Variants in GOLGA3 observed in about 807,000 individuals in gnomAD.
GOLGA3 encodes golgin subfamily A member 3.
A neutral mutation model predicts 169.4 loss-of-function variants in GOLGA3; 75 were observed. That is an observed-to-expected ratio of 0.44 (90% CI 0.37 to 0.54). GOLGA3 has a LOEUF of 0.54. Ranked by LOEUF, GOLGA3 falls within the 20% of genes least tolerant of loss-of-function variation. The pLI, the probability that GOLGA3 is intolerant of heterozygous loss-of-function variation, is 0.00. For missense variants in GOLGA3, 1,899 were observed against 1,930.0 expected, an observed-to-expected ratio of 0.98 and a Z score of 0.30; for synonymous variants, 824 against 822.4, an observed-to-expected ratio of 1.00 and a Z score of -0.03.
At chr12:132,814,695 T>G (rs962936648) in intron 3 of GOLGA3, among the ~76,000 whole-genome samples, 3 of 152,212 alleles carry the variant, frequency 2.0e-5, no homozygotes, top group Admixed American at 2.0e-4. Context: ...CTGCACAGGC[T>G]CCGCCCTCCA....
At chr12:132,786,870 A>C in intron 13 of GOLGA3, 83 bp from the exon 14 acceptor site, 2 of 929,488 alleles carry the variant, frequency 2.2e-6, no homozygotes, top group Non-Finnish European at 3.5e-6. Context: ...CATCACCCCC[A>C]CCAAAGGCAC....
chr12:132,815,086 T>TC (rs1045819358), intron 3 of GOLGA3, among the ~76,000 whole-genome samples: 10 of 152,348 alleles, frequency 6.6e-5, no homozygotes, highest in African/African-American at 2.4e-4. Context: ...ATCCCTAACA[T>TC]CTGAGCAGTC....
chr12:132,781,135 G>A (rs1038340774), intron 17 of GOLGA3, among the ~76,000 whole-genome samples: 34 of 152,272 alleles, frequency 2.2e-4, no homozygotes, highest in Admixed American at 7.2e-4. Flanking sequence ...TGGGCCCCAC[G>A]GCTCCAGAGG....
intron 22 of GOLGA3, chr12:132,774,563 G>C: frequency 1.7e-6 from 1 of 572,472 alleles, no homozygotes; most frequent in Non-Finnish European, 3.1e-6. Flanking sequence ...CCTAAGTCCT[G>C]GGTCTGCGGC....
intron 18 of GOLGA3, among the ~76,000 whole-genome samples, chr12:132,778,332 T>C (rs2045360173): frequency 1.3e-5 from 2 of 150,948 alleles, no homozygotes; most frequent in African/African-American, 2.4e-5. Flanking sequence ...CCCAGCACTG[T>C]GGGAGGCCGA....
At position 132,772,554 on chromosome 12, in the gene GOLGA3, A is replaced by AAAC. The variant is rs2044952519; in HGVS notation, c.*550_*551insGTT. On this transcript the variant is annotated 3_prime_UTR_variant, in exon 24 of 24. Coordinates refer to ENST00000450791, the MANE Select transcript of GOLGA3 (RefSeq NM_001389683.1). ...GCGAGACTCTGTCTCAAAAAAAAAA[A>AAAC]AAAAAAAAAAACAAAGATTGGATTA... 1.3e-5 allele frequency: 2 copies of AAAC among 151,310 alleles called. No individual in the cohort carries two copies. Among genetic ancestry groups the AAAC allele is most frequent in the African/African-American group, 4.9e-5 (2 of 40,862 alleles). 9.4% of individuals were successfully genotyped at this position (151,310 alleles called of 1,614,324 possible).
intron 11 of GOLGA3, among the ~76,000 whole-genome samples, chr12:132,793,870 G>A (rs1414924900): frequency 2.0e-5 from 3 of 152,202 alleles, no homozygotes; most frequent in East Asian, 3.8e-4. Flanking sequence ...ACACACATGG[G>A]GCGGCCGACT....
intron 18 of GOLGA3, among the ~76,000 whole-genome samples, chr12:132,779,862 C>T (rs61951349): frequency 8.8e-5 from 4 of 45,368 alleles, no homozygotes; most frequent in South Asian, 1.3e-3. Flanking sequence ...CGCACATACA[C>T]ACACCTCAGG....
intron 8 of GOLGA3, among the ~76,000 whole-genome samples, chr12:132,799,699 T>TTTG (rs1405928069): frequency 6.6e-6 from 1 of 151,742 alleles, no homozygotes; most frequent in East Asian, 1.9e-4. Context: ...TTCCTCTCTT[T>TTTG]TTGTTGTCCA....
rs747079133 is a variant in GOLGA3, at chr12:132,796,037, C to T, written c.2284G>A (p.Ala762Thr). The T allele has an allele frequency of 3.4e-5, 55 of 1,612,394 alleles. No individual in the cohort carries two copies. The highest frequency in any genetic ancestry group is 3.3e-5 in the Admixed American group (2 of 60,002). Reference protein sequence around the residue: ...ARLGELQGEAASREDTICLLQ... With the variant: ...ARLGELQGEATSREDTICLLQ... ...AGGCAGATCGTGTCCTCCCTGGAGGCGGCCTCGCCCTGCAGCTCCCCCAGC... is the reference window on the plus strand; with the variant it reads ...AGGCAGATCGTGTCCTCCCTGGAGGTGGCCTCGCCCTGCAGCTCCCCCAGC... Residue 762 changes from alanine to threonine, a missense_variant, in exon 11 of 24, where the codon GCC becomes ACC. By Grantham distance (58) the Ala-to-Thr change is moderately conservative. Coordinates refer to ENST00000450791, the MANE Select transcript of GOLGA3 (RefSeq NM_001389683.1).
rs766035628 is a variant in GOLGA3 at position 132,804,910 on chromosome 12, G to A, written c.1403C>T (p.Ser468Leu). The change falls in exon 7 of 24, where the codon TCG (serine) becomes TTG (leucine). Residue 468 changes from serine (S) to leucine (L), a missense_variant. Physicochemically the swap from Ser to Leu is moderately radical, Grantham distance 145. Transcript: ENST00000450791. This position sits in a 1 kb window ranked among gnomAD's most constrained non-coding sequence, Gnocchi z 4.1. ...SSQQRQDSLSSEVDTLKQSCW... is the reference protein window; with the variant it reads ...SSQQRQDSLSLEVDTLKQSCW... ...CGACTGCTTCAGGGTGTCCACCTCC[G>A]AGCTCAGCGAATCCTGCCGCTGCTG... The A allele has an allele frequency of 1.3e-5, 21 of 1,613,722 alleles. No homozygotes were observed. The highest frequency in any genetic ancestry group is 1.0e-4 in the Admixed American group (6 of 60,000).
chr12:132,822,219 T>C lies in GOLGA3; in HGVS notation c.-91A>G. 3 of 1,491,942 alleles carry C rather than the reference T, an allele frequency of 2.0e-6. No individual in the cohort carries two copies. The highest frequency in any genetic ancestry group is 2.6e-6 in the Non-Finnish European group (3 of 1,132,514). 92.4% of individuals were successfully genotyped at this position (1,491,942 alleles called of 1,614,324 possible). On this transcript the variant is annotated 5_prime_UTR_variant, in exon 2 of 24. Transcript: ENST00000450791. Reference sequence around the variant, plus strand: ...TCTGCCATCAGCAACAGCCAAGAGCTCCTGGGAGGGGCCCTACTGTGTCTC... The same window carrying C: ...TCTGCCATCAGCAACAGCCAAGAGCCCCTGGGAGGGGCCCTACTGTGTCTC...
intron 2 of GOLGA3, among the ~76,000 whole-genome samples, chr12:132,818,022 C>T (rs543354953): frequency 4.6e-5 from 6 of 129,784 alleles, no homozygotes; most frequent in South Asian, 2.7e-4. Flanking sequence ...CACTCCTCCA[C>T]GCTCTAAGGT....
intron 4 of GOLGA3, among the ~76,000 whole-genome samples, chr12:132,810,595 G>A (rs1016270814): frequency 2.0e-5 from 3 of 152,196 alleles, no homozygotes; most frequent in African/African-American, 7.2e-5. Flanking sequence ...GGGACACAGT[G>A]AGAAGTGACC....
chr12:132,819,638 C>T (rs114831048), intron 2 of GOLGA3, among the ~76,000 whole-genome samples: 5,962 of 152,328 alleles, frequency 0.039, 362 homozygotes, highest in African/African-American at 0.13. Context: ...GGGTGCCAGA[C>T]AGGAAGCCAG....
chr12:132,776,385 T>TCA (rs58468778), intron 21 of GOLGA3, among the ~76,000 whole-genome samples: 53 of 99,066 alleles, frequency 5.3e-4, no homozygotes, highest in African/African-American at 1.8e-3. Flanking sequence ...ACCCAGAGCC[T>TCA]CACACAGGTA....
At chr12:132,811,208 C>G (rs4758943) in intron 4 of GOLGA3, among the ~76,000 whole-genome samples, 146,978 of 152,170 alleles carry the variant, frequency 0.97, 71,196 homozygotes, top group East Asian at 1. Flanking sequence ...GTGGTCCCCC[C>G]GGCCCAGCTG....
chr12:132,797,617 C>T (rs1280547491), intron 9 of GOLGA3, among the ~76,000 whole-genome samples: 1 of 152,002 alleles, frequency 6.6e-6, no homozygotes, highest in Non-Finnish European at 1.5e-5. Context: ...GAGGCTGAGG[C>T]AGGAGAATTG....
chr12:132,775,610 T>G (rs918771471), intron 21 of GOLGA3, among the ~76,000 whole-genome samples: 5 of 152,230 alleles, frequency 3.3e-5, no homozygotes, highest in African/African-American at 1.2e-4. Context: ...TTGTTTTTTT[T>G]AGACACAGGG....
Sources: gnomAD v4.1 joint callset for allele counts (sites outside exome capture counted in the v4.1 genomes callset) on GRCh38, gnomAD v4.1.1 for gene constraint, Gnocchi (gnomAD v3.1) non-coding constraint, MANE v1.5 for transcripts, NCBI Gene and HGNC (gene_info 2026-07-23, HGNC 2026-07-21) for gene names.